SPAG1: variants seen among roughly 807,000 people sequenced by gnomAD.
SPAG1 encodes sperm associated antigen 1, also known as sperm-associated antigen 1.
SPAG1 carries 69 observed loss-of-function variants against 100.5 expected under a neutral mutation model. The ratio of observed to expected loss-of-function variants is 0.69; its 90% CI spans 0.57 to 0.84. SPAG1 has a LOEUF of 0.84. SPAG1 is among the 40% of genes least tolerant of loss of function. SPAG1 has a pLI of 0.00. For missense variants in SPAG1, 955 were observed against 1,133.1 expected, an observed-to-expected ratio of 0.84 and a Z score of 2.26; for synonymous variants, 336 against 411.6, an observed-to-expected ratio of 0.82 and a Z score of 2.22.
At position 100,177,817 on chromosome 8, in the gene SPAG1, G is replaced by A. The variant is rs754846725; in HGVS notation, c.302G>A (p.Ser101Asn). 6.7e-7 allele frequency: 1 copy of A among 1,482,414 alleles called. No individual in the cohort carries two copies. Among genetic ancestry groups the A allele is most frequent in the Admixed American group, 1.7e-5 (1 of 57,800 alleles). The allele number at this position is 1,482,414 out of a possible 1,614,324, so 91.8% of individuals were successfully genotyped here. A position where few individuals can be genotyped will look rare whatever the true frequency, so the allele number is the denominator to read the frequency against. The change falls in exon 4 of 19, where the codon AGT becomes AAT. Residue 101 changes from serine to asparagine, a missense_variant and splice_region_variant. Physicochemically the swap from Ser to Asn is conservative, Grantham distance 46. Coordinates refer to ENST00000388798, the MANE Select transcript of SPAG1 (RefSeq NM_003114.5). ...EWEKIDGDIK[S>N]WVSEIKKEED... is the part of the protein sequence containing the mutation. ...ATTTACCCTTTTCTCTATTCTCAGA[G>A]TTGGGTATCAGAAATTAAAAAAGAA...
At chr8:100,173,084 C>T (rs562311222) in intron 3 of SPAG1, among the ~76,000 whole-genome samples, 1 of 137,390 alleles carries the variant, frequency 7.3e-6, no homozygotes, top group South Asian at 2.3e-4. Context: ...GCTCTGTCAC[C>T]CAGGCTGGAG....
At position 100,184,688 on chromosome 8, in the gene SPAG1, CT is replaced by C. The variant is rs762502810; in HGVS notation, c.659del (p.Phe220SerfsTer10). 2 of 1,587,464 alleles carry C rather than the reference CT, an allele frequency of 1.3e-6. No individual in the cohort carries two copies. The highest frequency in any genetic ancestry group is 1.7e-6 in the Non-Finnish European group (2 of 1,171,086). ...CGTGAAAAGGAGAAAGGAAATGAAG[CT>C]TTCAACTCAGGAGATTATGAAGAAG... ...ATREKEKGNE[A>X]FNSGDYEEAV... On this transcript the variant is annotated frameshift_variant, in exon 7 of 19. Coordinates refer to ENST00000388798, the MANE Select transcript of SPAG1 (RefSeq NM_003114.5). LOFTEE classifies it high-confidence loss of function.
At chr8:100,184,089 G>T (rs768579621) in intron 6 of SPAG1, 27 bp downstream of exon 6, 4 of 1,054,274 alleles carry the variant, frequency 3.8e-6, no homozygotes, top group Non-Finnish European at 5.5e-6. Flanking sequence ...TAATAATTTA[G>T]TAGTCTTTAA....
intron 10 of SPAG1, chr8:100,194,494 A>G: frequency 1.6e-6 from 1 of 610,638 alleles, no homozygotes; most frequent in South Asian, 2.2e-5. Flanking sequence ...GCTCAGTTTA[A>G]TTCCTGGTCA....
intron 1 of SPAG1, among the ~76,000 whole-genome samples, chr8:100,160,393 A>G (rs1815254163): frequency 6.6e-6 from 1 of 152,160 alleles, no homozygotes; most frequent in African/African-American, 2.4e-5. Flanking sequence ...TTGGGAGGCC[A>G]AGGCAGGCAG....
At chr8:100,204,322 T>G (rs2132321904) in intron 10 of SPAG1, among the ~76,000 whole-genome samples, 1 of 152,134 alleles carries the variant, frequency 6.6e-6, no homozygotes, top group South Asian at 2.1e-4. Context: ...CATAAGGAGG[T>G]GCGCTACACT....
chr8:100,220,087 A>G (rs891204278), intron 12 of SPAG1, among the ~76,000 whole-genome samples, 192 bp from the exon 13 acceptor site: 2 of 152,222 alleles, frequency 1.3e-5, no homozygotes, highest in African/African-American at 4.8e-5. Context: ...CTACTGGTTT[A>G]AAAGAAAGGA....
In SPAG1 at chr8:100,239,251, A is replaced by C; in HGVS notation, c.2127A>C (p.Lys709Asn). ...LAHKGLKNYQKSLIDLNKVIL... is the reference protein window; with the variant it reads ...LAHKGLKNYQNSLIDLNKVIL... Reference sequence around the variant, plus strand: ...CTTCCTACTTACAGAATTATCAGAAAAGCTTAATTGATCTCAATAAAGTTA... The same window carrying C: ...CTTCCTACTTACAGAATTATCAGAACAGCTTAATTGATCTCAATAAAGTTA... Residue 709 changes from lysine (K) to asparagine (N), a missense_variant, in exon 17 of 19, where the codon AAA (lysine) becomes AAC (asparagine). Coordinates refer to ENST00000388798, the MANE Select transcript of SPAG1 (RefSeq NM_003114.5). This position sits in a 1 kb window ranked among gnomAD's most constrained non-coding sequence, Gnocchi z 5.0. 1 of 1,494,260 alleles carries C rather than the reference A, an allele frequency of 6.7e-7. No homozygotes were observed. The highest frequency in any genetic ancestry group is 8.9e-7 in the Non-Finnish European group (1 of 1,120,260). The allele number at this position is 1,494,260 out of a possible 1,614,324, so 92.6% of individuals were successfully genotyped here.
rs1404158651 is a variant in SPAG1, at chr8:100,241,661, C to A, written c.*639C>A. On this transcript the variant is annotated 3_prime_UTR_variant, in exon 19 of 19. Transcript: ENST00000388798. The surrounding 1 kb of genome is among the most constrained non-coding windows in gnomAD (Gnocchi z 5.1). ...CTTTTTACTAGATTTTAAAAAGCTA[C>A]TTTCTTTTATATTGCCTATATAAGC... is the stretch of plus-strand genomic sequence containing the variant. 1.3e-5 allele frequency: 2 copies of A among 152,122 alleles called. No homozygotes were observed. Among genetic ancestry groups the A allele is most frequent in the Admixed American group, 6.5e-5 (1 of 15,272 alleles). 9.4% of individuals were successfully genotyped at this position (152,122 alleles called of 1,614,324 possible). A position where few individuals can be genotyped will look rare whatever the true frequency, so the allele number is the denominator to read the frequency against.
chr8:100,209,811 C>A (rs1187239837), intron 10 of SPAG1, among the ~76,000 whole-genome samples: 1 of 151,382 alleles, frequency 6.6e-6, no homozygotes, highest in Non-Finnish European at 1.5e-5. Flanking sequence ...TGTATAGAAA[C>A]ACTGATTTTG....
chr8:100,238,892 C>A (rs1819127699), intron 16 of SPAG1, among the ~76,000 whole-genome samples: 1 of 152,130 alleles, frequency 6.6e-6, no homozygotes, highest in Admixed American at 6.5e-5. Context: ...AGTTTCATTG[C>A]TAGTAGGTGC....
Position 100,174,318 on chromosome 8 carries a change from T to C in SPAG1, c.301-3498T>C, listed in dbSNP as rs575802484. ...GGAAAATCATAAGGAAGAGAATATA[T>C]ATTTACAATGTATTAAGTGGAAGTG... On this transcript the variant is annotated intron_variant, in intron 3 of 18. Coordinates refer to ENST00000388798, the MANE Select transcript of SPAG1 (RefSeq NM_003114.5). 6.6e-5 allele frequency among the ~76,000 whole-genome samples: 10 copies of C among 152,332 alleles called. 1 individual carries two copies. The South Asian group carries it at 1.0e-3, about 16-fold the overall frequency.
intron 10 of SPAG1, among the ~76,000 whole-genome samples, chr8:100,200,113 C>T (rs1250743155): frequency 6.6e-6 from 1 of 152,182 alleles, no homozygotes; most frequent in East Asian, 1.9e-4. Context: ...AACCCCATGA[C>T]AGGCCCCGGT....
rs1309044730 is a variant in SPAG1 at position 100,213,146 on chromosome 8, A to T, written c.1153A>T (p.Ile385Phe). Reference sequence around the variant, plus strand: ...CGCCCAGCCGTGCGTCATGGGCAACATCCAGAAGAAGCTGACTGGCAAAGC... The same window carrying T: ...CGCCCAGCCGTGCGTCATGGGCAACTTCCAGAAGAAGCTGACTGGCAAAGC... ...RAAQPCVMGN[I>F]QKKLTGKAEG... Residue 385 changes from isoleucine to phenylalanine, a missense_variant, in exon 11 of 19, where the codon ATC becomes TTC. Coordinates refer to ENST00000388798, the MANE Select transcript of SPAG1 (RefSeq NM_003114.5). 1 of 1,482,114 alleles carries T rather than the reference A, an allele frequency of 6.7e-7. No individual in the cohort carries two copies. The highest frequency in any genetic ancestry group is 8.9e-7 in the Non-Finnish European group (1 of 1,123,062). The allele number at this position is 1,482,114 out of a possible 1,614,324, so 91.8% of individuals were successfully genotyped here. A position where few individuals can be genotyped will look rare whatever the true frequency, so the allele number is the denominator to read the frequency against.
chr8:100,208,283 C>G (rs116665979), intron 10 of SPAG1, among the ~76,000 whole-genome samples: 1 of 152,118 alleles, frequency 6.6e-6, no homozygotes, highest in Non-Finnish European at 1.5e-5. Context: ...GTGATTGACC[C>G]GGACTCTCAA....
At chr8:100,216,302 C>T (rs2514684) in intron 12 of SPAG1, among the ~76,000 whole-genome samples, 95,645 of 152,086 alleles carry the variant, frequency 0.63, 30,429 homozygotes, top group African/African-American at 0.72. Flanking sequence ...TAGGCCTTTC[C>T]ACAGTGAGGG....
Position 100,165,740 on chromosome 8 carries a change from C to T in SPAG1, c.141-74C>T, listed in dbSNP as rs564736514. The stretch of plus-strand genomic sequence containing the variant: ...ACAGAACCTCAGGGTTCCATGGAAC[C>T]CAGCCTGCAAACCGCTGGTCTAGAT... On this transcript the variant is annotated intron_variant, in intron 2 of 18. Coordinates refer to ENST00000388798, the MANE Select transcript of SPAG1 (RefSeq NM_003114.5). The T allele has an allele frequency of 4.6e-6, 6 of 1,293,892 alleles. No homozygotes were observed. In the South Asian group the frequency reaches 8.7e-5, roughly 19 times the overall value. The allele number at this position is 1,293,892 out of a possible 1,614,324, so 80.2% of individuals were successfully genotyped here. A position where few individuals can be genotyped will look rare whatever the true frequency, so the allele number is the denominator to read the frequency against.
Position 100,213,085 on chromosome 8 carries a change from C to CA in SPAG1, c.1097-4dup. 1 of 1,466,814 alleles carries CA rather than the reference C, an allele frequency of 6.8e-7. No individual in the cohort carries two copies. Among genetic ancestry groups the CA allele is most frequent in the East Asian group, 3.0e-5 (1 of 33,140 alleles). 90.9% of individuals were successfully genotyped at this position (1,466,814 alleles called of 1,614,324 possible). ...CCCTCACTTCCCGCATCCACTTCCT[C>CA]ACAGAGCCCGCGGAGCCGGCGGGAG... On this transcript the variant is annotated splice_region_variant and splice_polypyrimidine_tract_variant and intron_variant, in intron 10 of 18. Coordinates refer to ENST00000388798, the MANE Select transcript of SPAG1 (RefSeq NM_003114.5).
intron 4 of SPAG1, among the ~76,000 whole-genome samples, chr8:100,181,746 G>A (rs1816374842): frequency 6.6e-6 from 1 of 152,124 alleles, no homozygotes; most frequent in African/African-American, 2.4e-5. Context: ...TAAGGACACA[G>A]TCATACTGGA....
Sources: allele counts gnomAD v4.1 joint callset (sites outside exome capture counted in the v4.1 genomes callset), GRCh38; gene constraint gnomAD v4.1.1; non-coding constraint Gnocchi (gnomAD v3.1); transcripts MANE v1.5; gene names NCBI Gene and HGNC (gene_info 2026-07-23, HGNC 2026-07-21).